RAB3IL1: variants seen among roughly 807,000 people sequenced by gnomAD.
RAB3IL1 encodes RAB3A interacting protein like 1.
A neutral mutation model predicts 49.2 loss-of-function variants in RAB3IL1; 37 were observed. That is an observed-to-expected ratio of 0.75 (90% CI 0.58 to 0.99). RAB3IL1 has a LOEUF of 0.99. Among genes scored for constraint, RAB3IL1 ranks in the 50% least tolerant of loss-of-function variants. RAB3IL1 has a pLI of 0.00. For synonymous variants in RAB3IL1, 193 were observed against 213.9 expected (o/e 0.90, Z 0.85); for missense variants, 484 against 513.0 (o/e 0.94, Z 0.55).
chr11:61,926,830 G>A, the RAB3IL1 span, among the ~76,000 whole-genome samples: 6 of 151,966 alleles, frequency 3.9e-5, no homozygotes, highest in African/African-American at 1.5e-4. Flanking sequence ...TGGAATTGTA[G>A]ATGTGAGCCA....
upstream of RAB3IL1, chr11:61,920,060 C>G: frequency 1.6e-6 from 2 of 1,274,118 alleles, no homozygotes; most frequent in East Asian, 3.0e-5. Flanking sequence ...CCCCAGGGCT[C>G]TTCTCTCAAG....
At chr11:61,945,677 C>A in the RAB3IL1 span, 1 of 832,614 alleles carries the variant, frequency 1.2e-6, no homozygotes. Flanking sequence ...GAAGCCTGAC[C>A]CATGATGTCC....
chr11:61,933,883 G>A, the RAB3IL1 span, among the ~76,000 whole-genome samples: 5 of 151,954 alleles, frequency 3.3e-5, no homozygotes, highest in East Asian at 5.8e-4. Flanking sequence ...AGGTGCAGGC[G>A]GCAATGAGCC....
the RAB3IL1 span, among the ~76,000 whole-genome samples, chr11:61,928,969 T>G: frequency 1.3e-5 from 2 of 152,148 alleles, no homozygotes; most frequent in Admixed American, 6.6e-5. Flanking sequence ...ATTTTTAGAA[T>G]CTGTTTTTAA....
chr11:61,904,914 G>A (rs763169141), intron 5 of RAB3IL1, 32 bp from the exon 6 acceptor site: 2 of 1,526,626 alleles, frequency 1.3e-6, no homozygotes, highest in Non-Finnish European at 1.8e-6. Flanking sequence ...GGTGGGGGCG[G>A]TCAGGGTACT....
the RAB3IL1 span, among the ~76,000 whole-genome samples, chr11:61,939,067 C>A: frequency 3.3e-5 from 5 of 151,660 alleles, no homozygotes; most frequent in Admixed American, 2.6e-4. Context: ...CTCTACCCAA[C>A]CATAGCAGAA....
rs760733558 is a variant in RAB3IL1 at position 61,898,242 on chromosome 11, C to T, written c.*36G>A. The T allele has an allele frequency of 2.7e-5, 43 of 1,595,698 alleles. No homozygotes were observed. In the South Asian group the frequency reaches 4.2e-4, roughly 16 times the overall value. On this transcript the variant is annotated 3_prime_UTR_variant, in exon 10 of 10. Transcript: ENST00000394836. The surrounding 1 kb of genome is among the most constrained non-coding windows in gnomAD (Gnocchi z 5.1). ...GCTTGTTCTGGGGTGGGTGTTTGCTCTGTCTCAGAGCTCCCCTTCAGGCCT... is the reference window on the plus strand; with the variant it reads ...GCTTGTTCTGGGGTGGGTGTTTGCTTTGTCTCAGAGCTCCCCTTCAGGCCT...
chr11:61,928,119 G>C, the RAB3IL1 span, among the ~76,000 whole-genome samples: 2 of 151,434 alleles, frequency 1.3e-5, no homozygotes, highest in African/African-American at 2.4e-5. Context: ...CTGCTCCTTA[G>C]GGATGTGGTG....
At chr11:61,942,032 G>T in the RAB3IL1 span, among the ~76,000 whole-genome samples, 1 of 151,942 alleles carries the variant, frequency 6.6e-6, no homozygotes, top group Non-Finnish European at 1.5e-5. Flanking sequence ...CCAGCATGGT[G>T]AAACCCCACC....
rs1027604332 is a variant in RAB3IL1, at chr11:61,906,847, G to A, written c.439-163C>T. On this transcript the variant is annotated intron_variant, in intron 4 of 9. Coordinates refer to ENST00000394836, the MANE Select transcript of RAB3IL1 (RefSeq NM_013401.4). This position sits in a 1 kb window ranked among gnomAD's most constrained non-coding sequence, Gnocchi z 4.6. ...CTTCGAGGCAGAGACCCAGACACTC[G>A]TTTTACACATAGGGAAACTGAGGCT... Among the ~76,000 whole-genome samples the A allele has an allele frequency of 5.9e-5, 9 of 152,162 alleles. No individual in the cohort carries two copies. Among genetic ancestry groups the A allele is most frequent in the African/African-American group, 2.2e-4 (9 of 41,432 alleles).
upstream of RAB3IL1, chr11:61,917,642 C>A: frequency 1.1e-6 from 1 of 926,506 alleles, no homozygotes; most frequent in Non-Finnish European, 1.3e-6. Flanking sequence ...GGATCCGGCG[C>A]GCGCTCCCAA....
the RAB3IL1 span, among the ~76,000 whole-genome samples, chr11:61,929,972 A>C: frequency 7.7e-6 from 1 of 130,048 alleles, no homozygotes; most frequent in Non-Finnish European, 1.6e-5. Context: ...GGCTCGCTGC[A>C]ACCTTTGCCT....
At chr11:61,912,527 T>C (rs917502396) in intron 1 of RAB3IL1, among the ~76,000 whole-genome samples, 1 of 152,162 alleles carries the variant, frequency 6.6e-6, no homozygotes, top group African/African-American at 2.4e-5. Flanking sequence ...ACTCCACAGG[T>C]GTCATGGCCT....
At chr11:61,926,104 C>CAAAAAAAAAAAAAAAAA in the RAB3IL1 span, among the ~76,000 whole-genome samples, 10 of 64,054 alleles carry the variant, frequency 1.6e-4, no homozygotes, top group African/African-American at 2.4e-4. Context: ...TCCTTCCTGC[C>CAAAAAAAAAAAAAAAAA]AAAAAAAAAA....
At chr11:61,909,343 G>A (rs1472281483) in intron 1 of RAB3IL1, among the ~76,000 whole-genome samples, 1 of 152,112 alleles carries the variant, frequency 6.6e-6, no homozygotes, top group Non-Finnish European at 1.5e-5. Flanking sequence ...CAAGTCTGTG[G>A]ACCAGTCTCC....
At chr11:61,944,149 C>T in the RAB3IL1 span, among the ~76,000 whole-genome samples, 8,266 of 151,752 alleles carry the variant, frequency 0.054, 409 homozygotes, top group African/African-American at 0.13. Context: ...GTAAAAAAGA[C>T]GACCTACAGA....
chr11:61,932,810 C>T, the RAB3IL1 span, among the ~76,000 whole-genome samples: 12 of 134,430 alleles, frequency 8.9e-5, no homozygotes, highest in East Asian at 2.5e-4. Context: ...CTCACTCTAT[C>T]GCCCAGGCTG....
At chr11:61,945,810 T>G in the RAB3IL1 span, 4 of 985,288 alleles carry the variant, frequency 4.1e-6, no homozygotes, top group African/African-American at 7.0e-5. Context: ...ATGGGGGACC[T>G]CGCAGCACAG....
At chr11:61,940,760 A>G in the RAB3IL1 span, among the ~76,000 whole-genome samples, 1 of 152,122 alleles carries the variant, frequency 6.6e-6, no homozygotes, top group African/African-American at 2.4e-5. Flanking sequence ...TCTCTACTAA[A>G]AATACAAAAA....
Sources: allele counts gnomAD v4.1 joint callset (sites outside exome capture counted in the v4.1 genomes callset), GRCh38; gene constraint gnomAD v4.1.1; non-coding constraint Gnocchi (gnomAD v3.1); transcripts MANE v1.5; gene names NCBI Gene and HGNC (gene_info 2026-07-23, HGNC 2026-07-21).